Variants in NBAS observed in about 807,000 individuals in gnomAD.
NBAS encodes the protein NAG/BC035112 fusion.
In NBAS, 219 loss-of-function variants were observed where a neutral mutation model predicts 302.5. The ratio of observed to expected loss-of-function variants is 0.72; its 90% CI spans 0.65 to 0.81. NBAS has a LOEUF of 0.81. NBAS is among the 30% of genes least tolerant of loss of function. The pLI is 0.00. For synonymous variants in NBAS, 1,118 were observed against 1,021.6 expected (o/e 1.09, Z -1.80); for missense variants, 2,932 against 2,841.6 (o/e 1.03, Z -0.72).
intron 51 of NBAS, among the ~76,000 whole-genome samples, chr2:15,174,684 A>C (rs1301289085): frequency 6.6e-6 from 1 of 152,184 alleles, no homozygotes; most frequent in Non-Finnish European, 1.5e-5. Context: ...CAATATAATA[A>C]AGCCTTCCTA....
the NBAS span, among the ~76,000 whole-genome samples, chr2:15,023,838 C>T: frequency 6.6e-6 from 1 of 151,550 alleles, no homozygotes. Flanking sequence ...ATTTTTATCA[C>T]TAATATTTTC....
intron 23 of NBAS, among the ~76,000 whole-genome samples, chr2:15,422,257 A>G (rs1677248043): frequency 6.6e-6 from 1 of 152,214 alleles, no homozygotes; most frequent in East Asian, 1.9e-4. Flanking sequence ...TCTTTCACTA[A>G]GTAATAGGCA....
chr2:14,989,430 T>C, the NBAS span, among the ~76,000 whole-genome samples: 3 of 151,912 alleles, frequency 2.0e-5, no homozygotes, highest in Admixed American at 6.6e-5. Context: ...TGGTGGCGCA[T>C]GCCTATAGTA....
chr2:15,080,964 G>A, the NBAS span, among the ~76,000 whole-genome samples: 1 of 152,120 alleles, frequency 6.6e-6, no homozygotes, highest in East Asian at 1.9e-4. Flanking sequence ...CCCAGCCCTT[G>A]ATGGACAGCT....
At chr2:15,105,534 C>T in the NBAS span, among the ~76,000 whole-genome samples, 1 of 151,888 alleles carries the variant, frequency 6.6e-6, no homozygotes, top group East Asian at 1.9e-4. Context: ...TCCCTCCTAG[C>T]TCACTATCCT....
chr2:15,110,369 G>T, the NBAS span, among the ~76,000 whole-genome samples: 1 of 152,142 alleles, frequency 6.6e-6, no homozygotes. Flanking sequence ...AAAGTGATGT[G>T]CAAGATAATT....
the NBAS span, among the ~76,000 whole-genome samples, chr2:14,818,917 C>T: frequency 7.2e-4 from 110 of 152,252 alleles, no homozygotes; most frequent in African/African-American, 2.5e-3. Context: ...CCTGGAAAAC[C>T]CTTTCCTACT....
At chr2:15,144,623 G>A in the NBAS span, among the ~76,000 whole-genome samples, 1 of 151,960 alleles carries the variant, frequency 6.6e-6, no homozygotes, top group African/African-American at 2.4e-5. Context: ...ACTTTTTATC[G>A]AACACATCAC....
intron 41 of NBAS, among the ~76,000 whole-genome samples, chr2:15,287,663 T>C (rs1345985180): frequency 6.8e-6 from 1 of 147,000 alleles, no homozygotes; most frequent in Non-Finnish European, 1.5e-5. Flanking sequence ...GAGCACCATG[T>C]GTAGGCAGTC....
At chr2:15,055,632 C>T in the NBAS span, among the ~76,000 whole-genome samples, 6 of 152,090 alleles carry the variant, frequency 3.9e-5, no homozygotes, top group African/African-American at 1.4e-4. Context: ...GAAGTAAGAA[C>T]CTGAGCCTGG....
chr2:15,308,263 C>G lies in NBAS; in HGVS notation c.4750G>C (p.Ala1584Pro), dbSNP rs750624231. The change falls in exon 40 of 52, where the codon GCC becomes CCC. Residue 1584 changes from alanine (A) to proline (P), a missense_variant. Ala to Pro is a conservative substitution (Grantham distance 27). Transcript: ENST00000281513. ...TCCCTGAAACATGGGGCCAATCGGG[C>G]ATAGATCTGGAGGCTATAGTAATAC... ...AAYYYSLQIY[A>P]RLAPCFRDKC... 1.2e-6 allele frequency: 2 copies of G among 1,614,130 alleles called. No homozygotes were observed. Among genetic ancestry groups the G allele is most frequent in the South Asian group, 1.1e-5 (1 of 91,084 alleles).
chr2:15,367,246 A>G (rs1465782595), intron 31 of NBAS, among the ~76,000 whole-genome samples: 2 of 152,158 alleles, frequency 1.3e-5, no homozygotes, highest in African/African-American at 4.8e-5. Context: ...ACATCTGATC[A>G]AACCAATTCA....
the NBAS span, among the ~76,000 whole-genome samples, chr2:14,982,474 A>T: frequency 2.0e-5 from 3 of 152,208 alleles, no homozygotes; most frequent in Non-Finnish European, 4.4e-5. Context: ...AGTCCAGGAA[A>T]AAAGAACAAA....
At chr2:15,211,723 C>T (rs138084399) in intron 48 of NBAS, among the ~76,000 whole-genome samples, 218 of 152,324 alleles carry the variant, frequency 1.4e-3, no homozygotes, top group African/African-American at 5.1e-3. Flanking sequence ...ATTAGCCCAA[C>T]TGAGACTTGA....
the NBAS span, among the ~76,000 whole-genome samples, chr2:14,861,234 A>G: frequency 1.3e-5 from 2 of 152,232 alleles, no homozygotes; most frequent in Non-Finnish European, 1.5e-5. Context: ...AATTCAGATA[A>G]CGACATTATT....
downstream of NBAS, among the ~76,000 whole-genome samples, chr2:15,166,104 G>A (rs1207920204): frequency 1.3e-5 from 2 of 152,176 alleles, no homozygotes; most frequent in Admixed American, 1.3e-4. Context: ...TACCTCTGTG[G>A]TGGGGGCAGG....
the NBAS span, among the ~76,000 whole-genome samples, chr2:14,783,063 A>C: frequency 1.3e-5 from 2 of 152,262 alleles, no homozygotes; most frequent in East Asian, 1.9e-4. Flanking sequence ...TTGTGAGAAA[A>C]GTTTACCTAT....
the NBAS span, among the ~76,000 whole-genome samples, chr2:14,786,627 C>A: frequency 6.6e-6 from 1 of 151,980 alleles, no homozygotes; most frequent in East Asian, 1.9e-4. Flanking sequence ...TGTAGTTGAG[C>A]GGTTTTGAGT....
intron 30 of NBAS, 37 bp from the exon 31 acceptor site, chr2:15,374,757 CA>C (rs1354041939): frequency 6.6e-7 from 1 of 1,522,504 alleles, no homozygotes; most frequent in East Asian, 2.3e-5. Context: ...AAAGAAGCAA[CA>C]TATGTTCACC....
Sources: allele counts gnomAD v4.1 joint callset (sites outside exome capture counted in the v4.1 genomes callset), GRCh38; gene constraint gnomAD v4.1.1; transcripts MANE v1.5; gene names NCBI Gene and HGNC (gene_info 2026-07-23, HGNC 2026-07-21).